KLHL1: variants seen among roughly 807,000 people sequenced by gnomAD.
The protein encoded by KLHL1 is kelch like family member 1.
A neutral mutation model predicts 77.7 loss-of-function variants in KLHL1; 47 were observed. The ratio of observed to expected loss-of-function variants is 0.60; its 90% CI spans 0.48 to 0.77. The LOEUF is 0.77. Among genes scored for constraint, KLHL1 ranks in the 30% least tolerant of loss-of-function variants. The pLI is 0.00. For missense variants in KLHL1, 925 were observed against 910.8 expected (o/e 1.02, Z -0.20); for synonymous variants, 360 against 325.2 (o/e 1.11, Z -1.15).
intron 1 of KLHL1, among the ~76,000 whole-genome samples, chr13:70,039,922 C>G (rs2246140): frequency 6.6e-6 from 1 of 151,954 alleles, no homozygotes; most frequent in Non-Finnish European, 1.5e-5. Flanking sequence ...ATTATTTGAA[C>G]TTTAAAAAAA....
intron 5 of KLHL1, among the ~76,000 whole-genome samples, chr13:69,840,422 C>T (rs1483300936): frequency 6.6e-6 from 1 of 151,884 alleles, no homozygotes; most frequent in Non-Finnish European, 1.5e-5. Flanking sequence ...CAGAGTTTCA[C>T]CATGTCGGCC....
At chr13:69,821,920 C>A (rs1878352586) in intron 6 of KLHL1, among the ~76,000 whole-genome samples, 1 of 152,036 alleles carries the variant, frequency 6.6e-6, no homozygotes, top group Admixed American at 6.6e-5. Flanking sequence ...AGTGACTAGG[C>A]CAGGCCCAGT....
intron 1 of KLHL1, among the ~76,000 whole-genome samples, chr13:70,067,197 C>A (rs1319736921): frequency 6.6e-6 from 1 of 152,128 alleles, no homozygotes; most frequent in African/African-American, 2.4e-5. Flanking sequence ...AAAACATGTT[C>A]CAGCATTTAA....
intron 6 of KLHL1, among the ~76,000 whole-genome samples, chr13:69,838,717 T>C (rs535028321): frequency 6.6e-6 from 1 of 152,002 alleles, no homozygotes; most frequent in East Asian, 1.9e-4. Context: ...TTGTTTGGCT[T>C]GTGTTAAGTG....
intron 1 of KLHL1, among the ~76,000 whole-genome samples, chr13:69,979,994 C>T (rs1884661696): frequency 6.6e-6 from 1 of 152,176 alleles, no homozygotes; most frequent in African/African-American, 2.4e-5. Flanking sequence ...ACCCATCTAA[C>T]GGAACTACTC....
At chr13:70,042,570 C>A (rs1287648433) in intron 1 of KLHL1, among the ~76,000 whole-genome samples, 1 of 152,092 alleles carries the variant, frequency 6.6e-6, no homozygotes, top group African/African-American at 2.4e-5. Flanking sequence ...CTGGTATAAA[C>A]AAACATACTG....
chr13:69,790,188 G>C (rs958482212), intron 7 of KLHL1, among the ~76,000 whole-genome samples: 5 of 152,028 alleles, frequency 3.3e-5, no homozygotes, highest in Non-Finnish European at 7.4e-5. Context: ...GACATTGTCA[G>C]GAATTGCATG....
chr13:70,035,415 C>T (rs1336836315), intron 1 of KLHL1, among the ~76,000 whole-genome samples: 1 of 151,550 alleles, frequency 6.6e-6, no homozygotes, highest in African/African-American at 2.4e-5. Flanking sequence ...GAGAGTAGAA[C>T]AATGGTTTCC....
chr13:69,814,927 C>T (rs896480023), intron 6 of KLHL1, among the ~76,000 whole-genome samples: 2 of 152,082 alleles, frequency 1.3e-5, no homozygotes, highest in Non-Finnish European at 2.9e-5. Flanking sequence ...AGGAGAATTG[C>T]TTGAACCCAG....
At chr13:69,763,562 G>A (rs75768935) in intron 7 of KLHL1, among the ~76,000 whole-genome samples, 1,786 of 152,300 alleles carry the variant, frequency 0.012, 39 homozygotes, top group African/African-American at 0.041. Context: ...GTGTGATCAC[G>A]AGGACACTTT....
At chr13:69,735,905 C>A (rs1873742056) in intron 8 of KLHL1, among the ~76,000 whole-genome samples, 1 of 151,918 alleles carries the variant, frequency 6.6e-6, no homozygotes, top group Non-Finnish European at 1.5e-5. Flanking sequence ...AGAAATATGC[C>A]TTACCTTTGC....
In KLHL1 at chr13:69,801,044, A is replaced by G. The variant is rs763699024; in HGVS notation, c.1415-4082T>C. Among the ~76,000 whole-genome samples, 4 of 152,196 alleles carry G rather than the reference A, an allele frequency of 2.6e-5. No homozygotes were observed. In the East Asian group the frequency reaches 7.7e-4, roughly 29 times the overall value. ...GAATTACTCTGTGCGTAGAATATAC[A>G]TTATTCGGGTGATGACTACCTAAAG... On this transcript the variant is annotated intron_variant, in intron 6 of 10. Coordinates refer to ENST00000377844, the MANE Select transcript of KLHL1 (RefSeq NM_020866.3).
chr13:70,100,790 G>A (rs1487671960), intron 1 of KLHL1, among the ~76,000 whole-genome samples: 1 of 152,090 alleles, frequency 6.6e-6, no homozygotes, highest in African/African-American at 2.4e-5. Context: ...AAATCAATAT[G>A]AAAACTTCAG....
chr13:69,788,646 A>AAAC (rs1876694346), intron 7 of KLHL1, among the ~76,000 whole-genome samples: 1 of 149,690 alleles, frequency 6.7e-6, no homozygotes, highest in African/African-American at 2.5e-5. Flanking sequence ...ATGTACCCTA[A>AAAC]AACTTAAAGT....
chr13:69,917,300 A>T (rs1332619390), intron 4 of KLHL1, among the ~76,000 whole-genome samples: 1 of 152,066 alleles, frequency 6.6e-6, no homozygotes, highest in African/African-American at 2.4e-5. Context: ...AAAAACTGAA[A>T]CTAAAATCAA....
chr13:69,763,056 C>G (rs1303773188), intron 7 of KLHL1, among the ~76,000 whole-genome samples: 3 of 152,028 alleles, frequency 2.0e-5, no homozygotes, highest in Non-Finnish European at 4.4e-5. Context: ...TGTTAGGTTT[C>G]TTTTTCCATG....
intron 1 of KLHL1, among the ~76,000 whole-genome samples, chr13:69,981,941 CT>C (rs34017273): frequency 2.0e-5 from 3 of 151,674 alleles, no homozygotes; most frequent in Non-Finnish European, 4.4e-5. Context: ...AAAATAATAA[CT>C]TTTTTTCAGA....
chr13:69,893,295 C>T (rs1881499115), intron 4 of KLHL1, among the ~76,000 whole-genome samples: 3 of 146,732 alleles, frequency 2.0e-5, no homozygotes, highest in Middle Eastern at 3.3e-3. Context: ...ACTGCAGTGG[C>T]GCAATCTCGG....
intron 7 of KLHL1, among the ~76,000 whole-genome samples, chr13:69,751,921 T>TCTTTATGA (rs1874503985): frequency 6.6e-6 from 1 of 151,290 alleles, no homozygotes; most frequent in African/African-American, 2.4e-5. Context: ...TAAGAGGATG[T>TCTTTATGA]ATTTCTTTGC....
Sources: gnomAD v4.1 joint callset for allele counts (sites outside exome capture counted in the v4.1 genomes callset) on GRCh38, gnomAD v4.1.1 for gene constraint, MANE v1.5 for transcripts, NCBI Gene and HGNC (gene_info 2026-07-23, HGNC 2026-07-21) for gene names.